BIRC2: variants seen among roughly 807,000 people sequenced by gnomAD.
BIRC2 encodes the protein baculoviral IAP repeat containing 2.
Under a neutral mutation model 60.9 loss-of-function variants are expected in BIRC2, and 18 were observed. The ratio of observed to expected loss-of-function variants is 0.30; its 90% CI spans 0.20 to 0.44. The LOEUF is 0.44. Among genes scored for constraint, BIRC2 ranks in the 20% least tolerant of loss-of-function variants. The pLI is 1.00. For synonymous variants in BIRC2, 282 were observed against 247.7 expected, an observed-to-expected ratio of 1.14 and a Z score of -1.30; for missense variants, 701 against 728.5, an observed-to-expected ratio of 0.96 and a Z score of 0.43.
chr11:102,369,693 C>T (rs1310593118), intron 6 of BIRC2, among the ~76,000 whole-genome samples: 1 of 148,000 alleles, frequency 6.8e-6, no homozygotes, highest in Non-Finnish European at 1.5e-5. Flanking sequence ...AATGGGATGG[C>T]TGGGTCAAAT....
Position 102,350,499 on chromosome 11 carries a change from A to T in BIRC2, c.645A>T (p.Gly215=). The T allele has an allele frequency of 6.2e-7, 1 of 1,614,204 alleles. No individual in the cohort carries two copies. The highest frequency in any genetic ancestry group is 8.5e-7 in the Non-Finnish European group (1 of 1,180,036). Residue 215 remains glycine (G), a synonymous_variant, in exon 2 of 9, where the codon GGA becomes GGT. Coordinates refer to ENST00000227758, the MANE Select transcript of BIRC2 (RefSeq NM_001166.5). ...CTGGTTTTTATTATATAGGACCTGG[A>T]GATAGGGTAGCCTGCTTTGCCTGTG... ...ARAGFYYIGP[G]DRVACFACGG... is the part of the protein sequence containing the mutation.
At chr11:102,369,985 G>A (rs1170425958) in intron 6 of BIRC2, among the ~76,000 whole-genome samples, 13 of 152,162 alleles carry the variant, frequency 8.5e-5, no homozygotes, top group Admixed American at 2.0e-4. Flanking sequence ...GCCTGTTCAT[G>A]TCCTTTGCCC....
chr11:102,375,445 T>G (rs1304896298), intron 6 of BIRC2, among the ~76,000 whole-genome samples: 1 of 152,196 alleles, frequency 6.6e-6, no homozygotes, highest in Non-Finnish European at 1.5e-5. Flanking sequence ...TAGCAAAATA[T>G]TTAAAGTCTG....
intron 5 of BIRC2, among the ~76,000 whole-genome samples, chr11:102,364,174 T>TATATACATAC (rs1389968594): frequency 2.6e-5 from 2 of 78,112 alleles, no homozygotes; most frequent in African/African-American, 6.7e-5. Context: ...TATATATATA[T>TATATACATAC]ACACACACAC....
At chr11:102,353,856 C>T (rs190176366) in intron 3 of BIRC2, among the ~76,000 whole-genome samples, 11 of 152,168 alleles carry the variant, frequency 7.2e-5, no homozygotes, top group African/African-American at 1.2e-4. Flanking sequence ...TTATCCCTGG[C>T]AACCAGCATT....
In BIRC2 at chr11:102,348,615, A is replaced by C; in HGVS notation, c.-1240A>C. The C allele has an allele frequency of 4.3e-6, 1 of 229,924 alleles. No individual in the cohort carries two copies. The highest frequency in any genetic ancestry group is 8.9e-6 in the Non-Finnish European group (1 of 111,884). 14.2% of individuals were successfully genotyped at this position (229,924 alleles called of 1,614,324 possible). A position where few individuals can be genotyped will look rare whatever the true frequency, so the allele number is the denominator to read the frequency against. On this transcript the variant is annotated 5_prime_UTR_variant, in exon 2 of 9. Transcript: ENST00000227758. Reference sequence around the variant, plus strand: ...CTTTTCAGATTTACAACCCTGAAGAATCTCCCTATCCCTATTTTGTCCCCC... The same window carrying C: ...CTTTTCAGATTTACAACCCTGAAGACTCTCCCTATCCCTATTTTGTCCCCC...
At chr11:102,353,797 C>G (rs1401896535) in intron 3 of BIRC2, among the ~76,000 whole-genome samples, 1 of 148,500 alleles carries the variant, frequency 6.7e-6, no homozygotes, top group Non-Finnish European at 1.5e-5. Flanking sequence ...ATTAGATCCT[C>G]AGAAAGTTTG....
chr11:102,359,364 TTAAG>T (rs559927981), intron 3 of BIRC2, among the ~76,000 whole-genome samples: 74 of 152,352 alleles, frequency 4.9e-4, no homozygotes, highest in African/African-American at 1.7e-3. Flanking sequence ...TATTTTAGAA[TTAAG>T]TAATTTACAC....
chr11:102,373,824 T>C (rs1000380121), intron 6 of BIRC2, among the ~76,000 whole-genome samples: 1 of 151,616 alleles, frequency 6.6e-6, no homozygotes, highest in Non-Finnish European at 1.5e-5. Context: ...GTAGATTTGG[T>C]CTTTTCACAT....
intron 3 of BIRC2, among the ~76,000 whole-genome samples, chr11:102,358,389 C>T (rs577421426): frequency 1.3e-5 from 2 of 152,278 alleles, no homozygotes; most frequent in East Asian, 3.9e-4. Flanking sequence ...AAACATAAGG[C>T]AGGTATTCCC....
intron 6 of BIRC2, among the ~76,000 whole-genome samples, chr11:102,375,137 C>T (rs187475296): frequency 1.3e-5 from 2 of 152,212 alleles, no homozygotes; most frequent in Non-Finnish European, 2.9e-5. Context: ...GTGCGTCGCT[C>T]ACGCTGGGAG....
intron 3 of BIRC2, among the ~76,000 whole-genome samples, chr11:102,359,646 T>C (rs1951463573): frequency 6.6e-6 from 1 of 152,230 alleles, no homozygotes; most frequent in Non-Finnish European, 1.5e-5. Context: ...TTTCAGCACT[T>C]TGAATATATC....
At chr11:102,377,292 A>AAAT (rs1156419127) in intron 6 of BIRC2, among the ~76,000 whole-genome samples, 1 of 152,218 alleles carries the variant, frequency 6.6e-6, no homozygotes, top group Non-Finnish European at 1.5e-5. Context: ...TAGGACATGT[A>AAAT]AATATATAGA....
chr11:102,357,952 T>G (rs1049352920), intron 3 of BIRC2, among the ~76,000 whole-genome samples: 6 of 152,228 alleles, frequency 3.9e-5, no homozygotes, highest in Non-Finnish European at 8.8e-5. Flanking sequence ...ATATTTCTTG[T>G]GATTTTTTAA....
chr11:102,356,432 G>A (rs567636602), intron 3 of BIRC2, among the ~76,000 whole-genome samples: 52 of 151,738 alleles, frequency 3.4e-4, no homozygotes, highest in Middle Eastern at 3.4e-3. Context: ...TCCTGACCTC[G>A]TGATCCACCT....
intron 3 of BIRC2, among the ~76,000 whole-genome samples, chr11:102,351,825 G>A (rs1040851955): frequency 1.3e-5 from 2 of 152,128 alleles, no homozygotes; most frequent in Middle Eastern, 3.4e-3. Context: ...TTGTAATTGA[G>A]TAGCTATGTG....
chr11:102,360,547 A>G (rs1422895992), intron 3 of BIRC2, among the ~76,000 whole-genome samples: 2 of 151,104 alleles, frequency 1.3e-5, no homozygotes, highest in Non-Finnish European at 2.9e-5. Flanking sequence ...TTTTTATTTC[A>G]TTATCTGTGT....
At chr11:102,357,622 G>C (rs1354498753) in intron 3 of BIRC2, among the ~76,000 whole-genome samples, 1 of 152,052 alleles carries the variant, frequency 6.6e-6, no homozygotes, top group Non-Finnish European at 1.5e-5. Context: ...TTGCGTTTCT[G>C]TGTTATCAAT....
chr11:102,351,992 A>G (rs913813970), intron 3 of BIRC2, among the ~76,000 whole-genome samples: 14 of 152,126 alleles, frequency 9.2e-5, no homozygotes, highest in Non-Finnish European at 1.8e-4. Flanking sequence ...TTATACCGCT[A>G]TCCATCTCCA....
Sources: gnomAD v4.1 joint callset for allele counts (sites outside exome capture counted in the v4.1 genomes callset) on GRCh38, gnomAD v4.1.1 for gene constraint, MANE v1.5 for transcripts, NCBI Gene and HGNC (gene_info 2026-07-23, HGNC 2026-07-21) for gene names.